ADAMTS17: variants seen among roughly 807,000 people sequenced by gnomAD.
The protein encoded by ADAMTS17 is A disintegrin and metalloproteinase with thrombospondin motifs 17.
Under a neutral mutation model 141.5 loss-of-function variants are expected in ADAMTS17, and 113 were observed. The observed-to-expected ratio is 0.80, with a 90% CI of 0.69 to 0.93. The LOEUF is 0.93. Ranked by LOEUF, ADAMTS17 falls within the 40% of genes least tolerant of loss-of-function variation. ADAMTS17 has a pLI of 0.00. For missense variants in ADAMTS17, 1,659 were observed against 1,517.9 expected (o/e 1.09, Z -1.54); for synonymous variants, 768 against 630.6 (o/e 1.22, Z -3.27).
At chr15:100,118,775 C>T (rs1043686263) in intron 12 of ADAMTS17, among the ~76,000 whole-genome samples, 1 of 152,102 alleles carries the variant, frequency 6.6e-6, no homozygotes. Flanking sequence ...AGAAACATCA[C>T]CCTGGCAATA....
Position 99,974,107 on chromosome 15 carries a change from C to G in ADAMTS17, c.*295G>C. On this transcript the variant is annotated 3_prime_UTR_variant, in exon 22 of 22. Transcript: ENST00000268070. ...GACAAGAACACTAAATGATGTCTCT[C>G]TCTTGACGGTTGTCTGCCAGAGGTG... 1 of 486,230 alleles carries G rather than the reference C, an allele frequency of 2.1e-6. No individual in the cohort carries two copies. Among genetic ancestry groups the G allele is most frequent in the Non-Finnish European group, 3.8e-6 (1 of 265,028 alleles). 30.1% of individuals were successfully genotyped at this position (486,230 alleles called of 1,614,324 possible). A position where few individuals can be genotyped will look rare whatever the true frequency, so the allele number is the denominator to read the frequency against.
intron 7 of ADAMTS17, among the ~76,000 whole-genome samples, chr15:100,208,865 T>C (rs554582401): frequency 6.6e-6 from 1 of 152,288 alleles, no homozygotes; most frequent in Non-Finnish European, 1.5e-5. Context: ...GATGAAGCTA[T>C]AGTGATGTGT....
rs1472246957 is a variant in ADAMTS17, at chr15:99,993,746, G to T, written c.2797-546C>A. Among the ~76,000 whole-genome samples, 4 of 152,212 alleles carry T rather than the reference G, an allele frequency of 2.6e-5. No individual in the cohort carries two copies. The highest frequency in any genetic ancestry group is 4.4e-5 in the Non-Finnish European group (3 of 68,034). ...AAGCCACAGATGACTTTCTCGTGAG[G>T]CAGGTGGAAAGCCTTTGCAGAGAGC... On this transcript the variant is annotated intron_variant, in intron 19 of 21. Coordinates refer to ENST00000268070, the MANE Select transcript of ADAMTS17 (RefSeq NM_139057.4). This position sits in a 1 kb window ranked among gnomAD's most constrained non-coding sequence, Gnocchi z 4.3.
In ADAMTS17 at chr15:100,318,661, G is replaced by A. The variant is rs556056673; in HGVS notation, c.616+12228C>T. Among the ~76,000 whole-genome samples, 6 of 152,314 alleles carry A rather than the reference G, an allele frequency of 3.9e-5. No individual in the cohort carries two copies. The South Asian group carries it at 1.2e-3, about 32-fold the overall frequency. ...TGTTATAGCAGCCCAAACAGACTAA[G>A]ACCATTCCTTAGGCAAATGCAAAAT... On this transcript the variant is annotated intron_variant, in intron 3 of 21. Transcript: ENST00000268070.
intron 10 of ADAMTS17, among the ~76,000 whole-genome samples, chr15:100,150,600 C>T (rs1286655149): frequency 1.3e-5 from 2 of 152,202 alleles, no homozygotes; most frequent in African/African-American, 4.8e-5. Context: ...CCTCATCCAA[C>T]CGGGATGCAA....
chr15:100,148,183 A>G lies in ADAMTS17; in HGVS notation c.1473+4429T>C, dbSNP rs2038997604. Among the ~76,000 whole-genome samples the G allele has an allele frequency of 2.0e-5, 3 of 152,200 alleles. 1 individual carries two copies. The South Asian group carries it at 6.2e-4, about 31-fold the overall frequency. On this transcript the variant is annotated intron_variant, in intron 10 of 21. Coordinates refer to ENST00000268070, the MANE Select transcript of ADAMTS17 (RefSeq NM_139057.4). ...CCTTTCACCATATAAAGTAACATTC[A>G]TAGGTGCTGAGGATAGGACATAAAG...
intron 18 of ADAMTS17, among the ~76,000 whole-genome samples, chr15:100,019,952 C>T (rs917110503): frequency 6.6e-6 from 1 of 151,926 alleles, no homozygotes; most frequent in African/African-American, 2.4e-5. Context: ...ACTACTCACA[C>T]ATGCTAACTT....
At chr15:100,036,301 A>G (rs2030706308) in intron 18 of ADAMTS17, among the ~76,000 whole-genome samples, 1 of 152,248 alleles carries the variant, frequency 6.6e-6, no homozygotes, top group Non-Finnish European at 1.5e-5. Flanking sequence ...CTTAGGACAG[A>G]GGCGCTGGGA....
intron 16 of ADAMTS17, among the ~76,000 whole-genome samples, chr15:100,052,071 C>A (rs1241375042): frequency 6.6e-6 from 1 of 152,260 alleles, no homozygotes; most frequent in Non-Finnish European, 1.5e-5. Flanking sequence ...AGAGAACAGT[C>A]CACATTCCTG....
intron 4 of ADAMTS17, among the ~76,000 whole-genome samples, chr15:100,272,954 T>C (rs1033544042): frequency 7.2e-5 from 11 of 152,098 alleles, no homozygotes; most frequent in Non-Finnish European, 8.8e-5. Flanking sequence ...GGGATGATCA[T>C]TTTCTCTTTT....
intron 3 of ADAMTS17, 106 bp from the exon 4 acceptor site, chr15:100,281,507 G>A (rs937491154): frequency 6.7e-5 from 97 of 1,437,316 alleles, no homozygotes; most frequent in African/African-American, 1.8e-4. Context: ...GGTCAGTCTC[G>A]ACAGGCCTAG....
intron 2 of ADAMTS17, chr15:100,339,114 G>A (rs181080188): frequency 2.0e-6 from 2 of 985,328 alleles, no homozygotes; most frequent in African/African-American, 1.7e-5. Flanking sequence ...AGGTACAACC[G>A]CCACTGGCAC....
intron 3 of ADAMTS17, among the ~76,000 whole-genome samples, chr15:100,314,484 A>G (rs931615626): frequency 5.9e-5 from 9 of 152,188 alleles, no homozygotes; most frequent in African/African-American, 2.2e-4. Context: ...AATACGAAAG[A>G]GAGGGTTGAA....
chr15:100,097,501 G>A lies in ADAMTS17; in HGVS notation c.2017-1025C>T, dbSNP rs541902816. 7.9e-5 allele frequency among the ~76,000 whole-genome samples: 12 copies of A among 152,372 alleles called. No individual in the cohort carries two copies. The South Asian group carries it at 2.5e-3, about 32-fold the overall frequency. On this transcript the variant is annotated intron_variant, in intron 14 of 21. Transcript: ENST00000268070. ...CACAGGTACTCCCACCTGCAGGCAG[G>A]GCTTAGAGCTAGCACAGCGCCTCGG...
intron 8 of ADAMTS17, among the ~76,000 whole-genome samples, chr15:100,169,252 G>A (rs1380497003): frequency 6.6e-6 from 1 of 151,892 alleles, no homozygotes; most frequent in African/African-American, 2.4e-5. Flanking sequence ...CAGGTATGAC[G>A]CTAAGCACTT....
chr15:99,986,275 A>G (rs2060584893), intron 20 of ADAMTS17, among the ~76,000 whole-genome samples: 1 of 152,258 alleles, frequency 6.6e-6, no homozygotes, highest in South Asian at 2.1e-4. Context: ...TGTTAAGGTC[A>G]TGGAACTCAA....
intron 8 of ADAMTS17, among the ~76,000 whole-genome samples, chr15:100,185,829 T>C (rs2040695747): frequency 1.3e-5 from 2 of 152,182 alleles, no homozygotes; most frequent in South Asian, 4.1e-4. Flanking sequence ...CCTGAAGTCC[T>C]TCTTAAAACA....
At chr15:100,078,650 T>C (rs968455472) in intron 15 of ADAMTS17, among the ~76,000 whole-genome samples, 2 of 152,322 alleles carry the variant, frequency 1.3e-5, no homozygotes, top group African/African-American at 2.4e-5. Flanking sequence ...CTTCATGACC[T>C]TGAATTAGGC....
At chr15:100,230,400 T>A (rs907879322) in intron 7 of ADAMTS17, among the ~76,000 whole-genome samples, 1 of 151,918 alleles carries the variant, frequency 6.6e-6, no homozygotes, top group Non-Finnish European at 1.5e-5. Flanking sequence ...TGGTACAGAG[T>A]TGGAGGAGAA....
Sources: gnomAD v4.1 joint callset for allele counts (sites outside exome capture counted in the v4.1 genomes callset) on GRCh38, gnomAD v4.1.1 for gene constraint, Gnocchi (gnomAD v3.1) non-coding constraint, MANE v1.5 for transcripts, NCBI Gene and HGNC (gene_info 2026-07-23, HGNC 2026-07-21) for gene names.